Variants in CNKSR2 observed in about 807,000 individuals in gnomAD.
CNKSR2 encodes CNK homolog protein 2.
In CNKSR2, 14 loss-of-function variants were observed where a neutral mutation model predicts 84.4. That is an observed-to-expected ratio of 0.17 (90% CI 0.11 to 0.26). The LOEUF is 0.26. Among genes scored for constraint, CNKSR2 ranks in the 10% least tolerant of loss-of-function variants. CNKSR2 has a pLI of 1.00. For missense variants in CNKSR2, 485 were observed against 771.2 expected (o/e 0.63, Z 4.40); for synonymous variants, 275 against 277.9 (o/e 0.99, Z 0.10).
intron 9 of CNKSR2, among the ~76,000 whole-genome samples, chrX:21,524,400 T>C (rs771200414): frequency 2.7e-5 from 3 of 111,346 alleles, no homozygotes; most frequent in Admixed American, 9.5e-5. Context: ...TTCCCCTCTA[T>C]GTATGTGCTA....
chrX:21,519,439 G>GTAC (rs770875388), intron 9 of CNKSR2, among the ~76,000 whole-genome samples: 2 of 110,671 alleles, frequency 1.8e-5, no homozygotes, highest in East Asian at 5.8e-4. Context: ...TTTCTTCATA[G>GTAC]TACCTAAGGA....
At position 21,547,898 on chromosome X, in the gene CNKSR2, G is replaced by A. The variant is rs763228147; in HGVS notation, c.1304-13573G>A. Among the ~76,000 whole-genome samples the A allele has an allele frequency of 4.8e-4, 54 of 111,815 alleles. No homozygotes were observed. The Middle Eastern group carries it at 0.028, about 57-fold the overall frequency. On this transcript the variant is annotated intron_variant, in intron 11 of 21. Transcript: ENST00000379510. Reference sequence around the variant, plus strand: ...AAACCAATGAGAACAAACACACAACGTACCAGAATCTCTGGGACACATTTA... The same window carrying A: ...AAACCAATGAGAACAAACACACAACATACCAGAATCTCTGGGACACATTTA...
rs1340064140 is a variant in CNKSR2 at position 21,423,710 on chromosome X, C to A, written c.65-2787C>A. The stretch of plus-strand genomic sequence containing the variant: ...TATCTAAAAACTATTTGCAATGTTT[C>A]CCCTTTCATTCATTCAAATGCCACT... On this transcript the variant is annotated intron_variant, in intron 1 of 21. Transcript: ENST00000379510. 5 of 111,531 alleles carry A rather than the reference C, an allele frequency of 4.5e-5. No individual in the cohort carries two copies. In the Admixed American group the frequency reaches 4.7e-4, roughly 11 times the overall value. The allele number at this position is 111,531 out of a possible 1,213,427, so 9.2% of individuals were successfully genotyped here. A position where few individuals can be genotyped will look rare whatever the true frequency, so the allele number is the denominator to read the frequency against.
intron 11 of CNKSR2, among the ~76,000 whole-genome samples, chrX:21,551,098 A>G (rs1343273546): frequency 1.8e-5 from 2 of 111,040 alleles, no homozygotes; most frequent in Non-Finnish European, 3.8e-5. Flanking sequence ...CATCATTCTC[A>G]GCAAACTAAC....
At chrX:21,512,924 T>C (rs2091689260) in intron 8 of CNKSR2, among the ~76,000 whole-genome samples, 1 of 112,256 alleles carries the variant, frequency 8.9e-6, no homozygotes, top group Non-Finnish European at 1.9e-5. Context: ...CTTACTATTT[T>C]TGTAATCTTG....
At chrX:21,642,367 C>A in intron 20 of CNKSR2, 1 of 753,237 alleles carries the variant, frequency 1.3e-6, no homozygotes, top group South Asian at 6.7e-5. Flanking sequence ...ATGAGCTATT[C>A]TTTTCTGTAA....
chrX:21,547,799 G>A (rs2092042562), intron 11 of CNKSR2, among the ~76,000 whole-genome samples: 2 of 112,073 alleles, frequency 1.8e-5, no homozygotes, highest in Non-Finnish European at 3.8e-5. Context: ...CAACAACATG[G>A]AAACTGAACA....
chrX:21,654,272 T>TAAAAAA lies in CNKSR2; in HGVS notation c.*1768_*1773dup, dbSNP rs34844138. On this transcript the variant is annotated 3_prime_UTR_variant, in exon 22 of 22. Transcript: ENST00000379510. ...TTAAATTTGTGGGATTTTGTATATGTAAAAAAAAAAAAAAAAAAAAAACAA... is the reference window on the plus strand; with the variant it reads ...TTAAATTTGTGGGATTTTGTATATGTAAAAAAAAAAAAAAAAAAAAAAAAAAAACAA... 1.6e-5 allele frequency: 1 copy of TAAAAAA among 61,071 alleles called. No individual in the cohort carries two copies. Among genetic ancestry groups the TAAAAAA allele is most frequent in the Non-Finnish European group, 2.8e-5 (1 of 35,168 alleles). 5.0% of individuals were successfully genotyped at this position (61,071 alleles called of 1,213,427 possible). A position where few individuals can be genotyped will look rare whatever the true frequency, so the allele number is the denominator to read the frequency against.
intron 4 of CNKSR2, among the ~76,000 whole-genome samples, chrX:21,461,294 T>C (rs957209913): frequency 8.9e-6 from 1 of 112,681 alleles, no homozygotes; most frequent in Non-Finnish European, 1.9e-5. Context: ...TGATGTTGAA[T>C]ACCTTTGCAT....
intron 4 of CNKSR2, among the ~76,000 whole-genome samples, chrX:21,459,643 G>C (rs2091037574): frequency 9.0e-6 from 1 of 110,530 alleles, no homozygotes; most frequent in Non-Finnish European, 1.9e-5. Context: ...TACATCAGCT[G>C]AGTTATATAA....
chrX:21,426,925 G>A (rs963704209), intron 2 of CNKSR2: 11 of 323,111 alleles, frequency 3.4e-5, no homozygotes, highest in African/African-American at 3.1e-4. Context: ...CTCATAAGCA[G>A]GGCTCTTCAT....
intron 20 of CNKSR2, chrX:21,641,739 T>A: frequency 9.5e-7 from 1 of 1,053,630 alleles, no homozygotes; most frequent in Middle Eastern, 2.9e-4. Flanking sequence ...GAAAACAGAC[T>A]TGTAAAAAGC....
At chrX:21,511,802 A>G (rs1340587284) in intron 8 of CNKSR2, among the ~76,000 whole-genome samples, 2 of 111,418 alleles carry the variant, frequency 1.8e-5, no homozygotes, top group African/African-American at 3.3e-5. Flanking sequence ...TCTGTCATCT[A>G]CGTGTACTGA....
At chrX:21,382,186 T>C (rs2089908272) in intron 1 of CNKSR2, among the ~76,000 whole-genome samples, 1 of 112,038 alleles carries the variant, frequency 8.9e-6, no homozygotes, top group African/African-American at 3.2e-5. Context: ...CAGTGCCAAC[T>C]TGTATATTGT....
At chrX:21,567,012 A>G (rs1204177616) in intron 13 of CNKSR2, among the ~76,000 whole-genome samples, 1 of 111,887 alleles carries the variant, frequency 8.9e-6, no homozygotes, top group Non-Finnish European at 1.9e-5. Flanking sequence ...CTAGTCATTG[A>G]CCAGCTCTTT....
At chrX:21,478,102 A>G (rs768307981) in intron 5 of CNKSR2, among the ~76,000 whole-genome samples, 11 of 111,723 alleles carry the variant, frequency 9.8e-5, no homozygotes, top group Non-Finnish European at 2.1e-4. Context: ...AGTTTTATAG[A>G]TGAAAAACGT....
Position 21,653,778 on chromosome X carries a change from G to A in CNKSR2, c.*1257G>A, listed in dbSNP as rs754586918. 9.0e-6 allele frequency: 1 copy of A among 111,131 alleles called. No homozygotes were observed. The highest frequency in any genetic ancestry group is 3.3e-5 in the African/African-American group (1 of 30,636). The allele number at this position is 111,131 out of a possible 1,213,427, so 9.2% of individuals were successfully genotyped here. On this transcript the variant is annotated 3_prime_UTR_variant, in exon 22 of 22. Coordinates refer to ENST00000379510, the MANE Select transcript of CNKSR2 (RefSeq NM_014927.5). ...AAGTGATCACAGCATGAAAATGACT[G>A]TGCTGCTTTTTAGTGTCTGGCTGCA...
Position 21,374,777 on chromosome X carries a change from C to A in CNKSR2, c.-121C>A. On this transcript the variant is annotated 5_prime_UTR_variant, in exon 1 of 22. Transcript: ENST00000379510. Reference sequence around the variant, plus strand: ...AGACCCGACACACAAAAGCCGCTTTCTCCGCGCCGCCCGCCCAGGGAGGCT... The same window carrying A: ...AGACCCGACACACAAAAGCCGCTTTATCCGCGCCGCCCGCCCAGGGAGGCT... The A allele has an allele frequency of 1.6e-6, 1 of 619,679 alleles. No homozygotes were observed. Among genetic ancestry groups the A allele is most frequent in the Non-Finnish European group, 2.7e-6 (1 of 367,884 alleles). The allele number at this position is 619,679 out of a possible 1,213,427, so 51.1% of individuals were successfully genotyped here.
At chrX:21,390,042 T>C (rs1006757681) in intron 1 of CNKSR2, among the ~76,000 whole-genome samples, 1 of 111,965 alleles carries the variant, frequency 8.9e-6, no homozygotes, top group African/African-American at 3.2e-5. Flanking sequence ...GCTAAACAAT[T>C]TGCAATTAAA....
Sources: allele counts gnomAD v4.1 joint callset (sites outside exome capture counted in the v4.1 genomes callset), GRCh38; gene constraint gnomAD v4.1.1; transcripts MANE v1.5; gene names NCBI Gene and HGNC (gene_info 2026-07-23, HGNC 2026-07-21).